Variants in PRKG1 observed in about 807,000 individuals in gnomAD.
The protein encoded by PRKG1 is cGMP-dependent protein kinase 1.
In PRKG1, 35 loss-of-function variants were observed where a neutral mutation model predicts 88.1. The ratio of observed to expected loss-of-function variants is 0.40; its 90% CI spans 0.30 to 0.53. The LOEUF (loss-of-function observed/expected upper bound fraction) is 0.53, where lower values mean the gene tolerates loss of function less well. Among genes scored for constraint, PRKG1 ranks in the 20% least tolerant of loss-of-function variants. The pLI, the probability that PRKG1 is intolerant of heterozygous loss-of-function variation, is 0.59. For missense variants in PRKG1, 540 were observed against 839.8 expected (o/e 0.64, Z 4.41); for synonymous variants, 303 against 292.5 (o/e 1.04, Z -0.37).
At chr10:51,301,239 C>A (rs1056381500) in intron 2 of PRKG1, among the ~76,000 whole-genome samples, 1 of 152,138 alleles carries the variant, frequency 6.6e-6, no homozygotes, top group African/African-American at 2.4e-5. Flanking sequence ...ATTTTACTGA[C>A]CCTTCCTTAA....
intron 9 of PRKG1, among the ~76,000 whole-genome samples, chr10:52,176,599 A>T (rs1838874913): frequency 6.6e-6 from 1 of 152,142 alleles, no homozygotes; most frequent in African/African-American, 2.4e-5. Flanking sequence ...AAATCCATAG[A>T]TTGCTTTGGC....
intron 2 of PRKG1, among the ~76,000 whole-genome samples, chr10:51,297,093 G>A (rs1228597282): frequency 6.6e-6 from 1 of 152,108 alleles, no homozygotes; most frequent in Non-Finnish European, 1.5e-5. Flanking sequence ...AAAAGCCACA[G>A]TTCATCTTCC....
At chr10:51,212,163 A>T (rs969207826) in intron 2 of PRKG1, among the ~76,000 whole-genome samples, 2 of 152,088 alleles carry the variant, frequency 1.3e-5, no homozygotes, top group Non-Finnish European at 2.9e-5. Flanking sequence ...ATAATGCCGC[A>T]TATCTACAAC....
intron 9 of PRKG1, among the ~76,000 whole-genome samples, chr10:52,225,089 A>G (rs1840359434): frequency 6.6e-6 from 1 of 152,016 alleles, no homozygotes; most frequent in Admixed American, 6.6e-5. Flanking sequence ...GTACTAGTCT[A>G]CATTCCCACC....
At chr10:51,176,888 A>G (rs1837208733) in intron 2 of PRKG1, among the ~76,000 whole-genome samples, 1 of 152,206 alleles carries the variant, frequency 6.6e-6, no homozygotes, top group South Asian at 2.1e-4. Flanking sequence ...AGATAAGTCT[A>G]TAAAATGTTA....
At chr10:51,001,643 G>A (rs567438871) in intron 1 of PRKG1, among the ~76,000 whole-genome samples, 2 of 152,228 alleles carry the variant, frequency 1.3e-5, no homozygotes, top group African/African-American at 2.4e-5. Context: ...TCTTTCTAGA[G>A]CATTGTTCAG....
At chr10:51,508,436 C>T (rs1841291711) in intron 3 of PRKG1, among the ~76,000 whole-genome samples, 1 of 152,062 alleles carries the variant, frequency 6.6e-6, no homozygotes, top group South Asian at 2.1e-4. Context: ...TAATGACAAA[C>T]TATCAAGGAA....
In PRKG1 at chr10:51,819,006, C is replaced by CAAAAAAAAAAA. The variant is rs869048560; in HGVS notation, c.698+14343_698+14353dup. Among the ~76,000 whole-genome samples, 18 of 18,344 alleles carry CAAAAAAAAAAA rather than the reference C, an allele frequency of 9.8e-4. 1 individual carries two copies. The highest frequency in any genetic ancestry group is 1.3e-3 in the East Asian group (1 of 760). 12.0% of individuals were successfully genotyped at this position (18,344 alleles called of 152,430 possible). A position where few individuals can be genotyped will look rare whatever the true frequency, so the allele number is the denominator to read the frequency against. Reference sequence around the variant, plus strand: ...TGGGCGACAGAGCGAGACTCCGTCTCAAAAAAAAAAAAAAAAAAAAAAAAA... The same window carrying CAAAAAAAAAAA: ...TGGGCGACAGAGCGAGACTCCGTCTCAAAAAAAAAAAAAAAAAAAAAAAAAAAAAAAAAAAA... On this transcript the variant is annotated intron_variant, in intron 4 of 17. Coordinates refer to ENST00000373980, the MANE Select transcript of PRKG1 (RefSeq NM_006258.4).
intron 5 of PRKG1, among the ~76,000 whole-genome samples, chr10:51,977,431 A>G (rs1319072601): frequency 6.6e-6 from 1 of 152,016 alleles, no homozygotes; most frequent in African/African-American, 2.4e-5. Flanking sequence ...CAATGAACAT[A>G]CGCATGCCTG....
chr10:51,642,275 A>G (rs1839819273), intron 3 of PRKG1, among the ~76,000 whole-genome samples: 1 of 152,074 alleles, frequency 6.6e-6, no homozygotes, highest in Non-Finnish European at 1.5e-5. Flanking sequence ...CTATAATCCC[A>G]GCTACTCAGG....
At chr10:51,382,223 ATTTG>A (rs1263224185) in intron 2 of PRKG1, among the ~76,000 whole-genome samples, 2 of 152,178 alleles carry the variant, frequency 1.3e-5, no homozygotes, top group African/African-American at 4.8e-5. Context: ...GAAAAGATGA[ATTTG>A]TTTATTAACA....
chr10:51,049,157 C>A (rs979171740), intron 1 of PRKG1, among the ~76,000 whole-genome samples: 1 of 152,164 alleles, frequency 6.6e-6, no homozygotes, highest in Non-Finnish European at 1.5e-5. Flanking sequence ...GTCATGGCTG[C>A]TCATTTTTAA....
Position 52,223,854 on chromosome 10 carries a change from G to A in PRKG1, c.1077-27716G>A, listed in dbSNP as rs548588441. 5.3e-5 allele frequency among the ~76,000 whole-genome samples: 8 copies of A among 151,856 alleles called. No homozygotes were observed. The East Asian group carries it at 5.8e-4, about 11-fold the overall frequency. ...TTTTCTTTTTTCTTTCACTCACATCGTATCTTGGTCCAACAGCAAATCACA... is the reference window on the plus strand; with the variant it reads ...TTTTCTTTTTTCTTTCACTCACATCATATCTTGGTCCAACAGCAAATCACA... On this transcript the variant is annotated intron_variant, in intron 9 of 17. Transcript: ENST00000373980.
chr10:51,222,699 G>T (rs1412845581), intron 2 of PRKG1, among the ~76,000 whole-genome samples: 2 of 152,044 alleles, frequency 1.3e-5, no homozygotes, highest in Non-Finnish European at 1.5e-5. Context: ...TAGCACAGGG[G>T]TAGTTTATAT....
chr10:51,711,569 G>T (rs1375332131), intron 3 of PRKG1, among the ~76,000 whole-genome samples: 1 of 152,230 alleles, frequency 6.6e-6, no homozygotes, highest in African/African-American at 2.4e-5. Context: ...CTTCTAGAAA[G>T]AATTGCACCA....
At chr10:52,213,518 G>T (rs1380914819) in intron 9 of PRKG1, among the ~76,000 whole-genome samples, 2 of 152,196 alleles carry the variant, frequency 1.3e-5, no homozygotes, top group African/African-American at 2.4e-5. Flanking sequence ...TGAAATCCTA[G>T]CTGGAACCAG....
At chr10:51,156,929 C>T (rs1205981252) in intron 2 of PRKG1, among the ~76,000 whole-genome samples, 1 of 151,844 alleles carries the variant, frequency 6.6e-6, no homozygotes, top group African/African-American at 2.4e-5. Flanking sequence ...CACAAGCTTG[C>T]TTACTATCAA....
At chr10:52,105,672 G>A (rs1329645251) in intron 7 of PRKG1, among the ~76,000 whole-genome samples, 2 of 151,850 alleles carry the variant, frequency 1.3e-5, no homozygotes, top group Non-Finnish European at 2.9e-5. Flanking sequence ...GGTTCGTTAC[G>A]TAAGTAAACT....
chr10:51,101,695 T>C (rs1000017708), intron 1 of PRKG1, among the ~76,000 whole-genome samples: 4 of 151,840 alleles, frequency 2.6e-5, no homozygotes, highest in African/African-American at 4.8e-5. Flanking sequence ...CCAAACAGAG[T>C]TGGAGATCAT....
Sources: gnomAD v4.1 joint callset for allele counts (sites outside exome capture counted in the v4.1 genomes callset) on GRCh38, gnomAD v4.1.1 for gene constraint, MANE v1.5 for transcripts, NCBI Gene and HGNC (gene_info 2026-07-23, HGNC 2026-07-21) for gene names.